The following FAH variants were observed in gnomAD, a reference collection of about 807,000 sequenced individuals.
FAH encodes fumarylacetoacetase.
In FAH, 47 loss-of-function variants were observed where a neutral mutation model predicts 55.8. The ratio of observed to expected loss-of-function variants is 0.84; its 90% CI spans 0.67 to 1.07. The LOEUF is 1.07. FAH is among the 50% of genes least tolerant of loss of function. The pLI is 0.00. For missense variants in FAH, 495 were observed against 545.9 expected (o/e 0.91, Z 0.93); for synonymous variants, 199 against 207.7 (o/e 0.96, Z 0.36).
Position 80,175,069 on chromosome 15 carries a change from C to T in FAH, c.891C>T (p.Ile297=), listed in dbSNP as rs1037374579. The T allele has an allele frequency of 5.0e-6, 8 of 1,614,054 alleles. No individual in the cohort carries two copies. The African/African-American group carries it at 8.0e-5, about 16-fold the overall frequency. Residue 297 remains isoleucine, a synonymous_variant, in exon 10 of 14, where the codon ATC becomes ATT. Coordinates refer to ENST00000561421, the MANE Select transcript of FAH (RefSeq NM_000137.4). ...LCHDEPYTFD[I]NLSVNLKGEG... ...ATGACGAGCCCTACACATTTGACAT[C>T]AACCTCTCTGTTAACCTGAAAGGTA...
chr15:80,178,115 G>A (rs7168949), intron 11 of FAH, among the ~76,000 whole-genome samples: 15,326 of 152,108 alleles, frequency 0.1, 880 homozygotes, highest in African/African-American at 0.16. Context: ...CAGGAGGATC[G>A]CTTGAGCCCA....
chr15:80,158,765 G>A (rs1305290322), intron 2 of FAH, among the ~76,000 whole-genome samples: 1 of 152,072 alleles, frequency 6.6e-6, no homozygotes, highest in African/African-American at 2.4e-5. Flanking sequence ...CCACCCTCTG[G>A]CATAGGAATT....
At chr15:80,168,243 T>G in intron 6 of FAH, 21 bp from the exon 7 acceptor site, 2 of 1,611,080 alleles carry the variant, frequency 1.2e-6, no homozygotes, top group Non-Finnish European at 1.7e-6. Context: ...CGTTTTTTTT[T>G]TTTTTCTGGT....
chr15:80,180,010 C>T (rs2041315658), intron 11 of FAH, 114 bp from the exon 12 acceptor site: 1 of 773,928 alleles, frequency 1.3e-6, no homozygotes, highest in Non-Finnish European at 2.2e-6. Context: ...GAGCTGGGGA[C>T]CGGGGAAAGG....
chr15:80,153,206 T>G (rs1595888610), intron 1 of FAH, 71 bp downstream of exon 1: 4 of 1,143,272 alleles, frequency 3.5e-6, no homozygotes, highest in African/African-American at 3.1e-5. Context: ...TGGAGTGGAG[T>G]GGAGTGGAAT....
At chr15:80,183,675 A>G (rs570972392) in intron 13 of FAH, among the ~76,000 whole-genome samples, 1 of 152,336 alleles carries the variant, frequency 6.6e-6, no homozygotes, top group East Asian at 1.9e-4. Flanking sequence ...TAACCATTGG[A>G]AACGCGATAG....
At chr15:80,176,438 C>T (rs1414001705) in intron 10 of FAH, among the ~76,000 whole-genome samples, 1 of 152,234 alleles carries the variant, frequency 6.6e-6, no homozygotes, top group Non-Finnish European at 1.5e-5. Context: ...GCGCAGTACA[C>T]TGCAGGAGCT....
At chr15:80,164,735 AT>A in intron 5 of FAH, among the ~76,000 whole-genome samples, 1 of 152,300 alleles carries the variant, frequency 6.6e-6, no homozygotes. Flanking sequence ...ATGCCATGTA[AT>A]TGCATGCAAT....
intron 1 of FAH, 40 bp from the exon 2 acceptor site, chr15:80,158,020 G>A (rs1405963347): frequency 1.3e-6 from 2 of 1,496,120 alleles, no homozygotes; most frequent in Non-Finnish European, 1.9e-6. Flanking sequence ...AGCCCAGCCA[G>A]GGGCTTTTTC....
chr15:80,157,952 C>A, intron 1 of FAH, 108 bp from the exon 2 acceptor site: 1 of 806,346 alleles, frequency 1.2e-6, no homozygotes, highest in South Asian at 1.4e-5. Flanking sequence ...CATACAGGGC[C>A]ACCTAAAGGG....
chr15:80,153,540 A>G (rs2041072433), intron 1 of FAH, among the ~76,000 whole-genome samples: 3 of 152,124 alleles, frequency 2.0e-5, no homozygotes, highest in Admixed American at 1.3e-4. Flanking sequence ...CTCGCTGGAT[A>G]GCCCCTAACC....
chr15:80,178,118 T>A (rs997984460), intron 11 of FAH, among the ~76,000 whole-genome samples: 1 of 152,166 alleles, frequency 6.6e-6, no homozygotes, highest in Admixed American at 6.5e-5. Context: ...GAGGATCGCT[T>A]GAGCCCAGGA....
chr15:80,157,870 A>T, intron 1 of FAH, 190 bp from the exon 2 acceptor site: 1 of 623,446 alleles, frequency 1.6e-6, no homozygotes, highest in Non-Finnish European at 2.9e-6. Flanking sequence ...TTTTCCTTTT[A>T]GTTCTGGAAG....
chr15:80,180,198 C>A lies in FAH; in HGVS notation c.1035C>A (p.Leu345=). ...VNGCNLRPGD[L]LASGTISGPE... ...GCTGCAACCTGCGGCCGGGGGACCTCCTGGCTTCTGGGACCATCAGCGGGC... is the reference window on the plus strand; with the variant it reads ...GCTGCAACCTGCGGCCGGGGGACCTACTGGCTTCTGGGACCATCAGCGGGC... The change falls in exon 12 of 14, where the codon CTC becomes CTA. Residue 345 remains leucine, a synonymous_variant. Transcript: ENST00000561421. The A allele has an allele frequency of 6.2e-7, 1 of 1,608,870 alleles. No individual in the cohort carries two copies. The highest frequency in any genetic ancestry group is 8.5e-7 in the Non-Finnish European group (1 of 1,179,956).
chr15:80,186,083 G>T, intron 13 of FAH, 47 bp from the exon 14 acceptor site: 1 of 1,546,330 alleles, frequency 6.5e-7, no homozygotes, highest in Non-Finnish European at 8.9e-7. Flanking sequence ...GTTGGTTCCG[G>T]TGAGCCCAGC....
intron 9 of FAH, chr15:80,173,664 A>G (rs2041259577): frequency 4.1e-6 from 1 of 242,426 alleles, no homozygotes; most frequent in Non-Finnish European, 8.2e-6. Flanking sequence ...GCCCCACTCC[A>G]TCACTGGCAA....
At chr15:80,166,667 T>C (rs1202351237) in intron 5 of FAH, among the ~76,000 whole-genome samples, 3 of 149,450 alleles carry the variant, frequency 2.0e-5, no homozygotes, top group African/African-American at 7.4e-5. Flanking sequence ...GACAGAGTCT[T>C]GCTCTGTCGC....
At position 80,159,740 on chromosome 15, in the gene FAH, CCT is replaced by C; in HGVS notation, c.193-15_193-14del. ...TTTCCTGTACGTGATCTTTTTTCTC[CCT>C]GTTTTGGTCTTAGCCTACACTCAAC... On this transcript the variant is annotated splice_polypyrimidine_tract_variant and intron_variant, in intron 2 of 13. Coordinates refer to ENST00000561421, the MANE Select transcript of FAH (RefSeq NM_000137.4). 2 of 1,614,098 alleles carry C rather than the reference CCT, an allele frequency of 1.2e-6. No individual in the cohort carries two copies. Among genetic ancestry groups the C allele is most frequent in the Non-Finnish European group, 1.7e-6 (2 of 1,179,984 alleles).
rs76455293 is a variant in FAH at position 80,154,987 on chromosome 15, T to C, written c.81+1852T>C. On this transcript the variant is annotated intron_variant, in intron 1 of 13. Transcript: ENST00000561421. ...CTGGCCTCTGCTTTCTCCAGCCACA[T>C]TGGCTGCCTTTGAGTCTCTGAGATG... is the stretch of plus-strand genomic sequence containing the variant. Among the ~76,000 whole-genome samples, 95 of 152,338 alleles carry C rather than the reference T, an allele frequency of 6.2e-4. No individual in the cohort carries two copies. In the South Asian group the frequency reaches 0.014, roughly 23 times the overall value.
Sources: allele counts gnomAD v4.1 joint callset (sites outside exome capture counted in the v4.1 genomes callset), GRCh38; gene constraint gnomAD v4.1.1; transcripts MANE v1.5; gene names NCBI Gene and HGNC (gene_info 2026-07-23, HGNC 2026-07-21).